CPSF7: variants seen among roughly 807,000 people sequenced by gnomAD.
The protein encoded by CPSF7 is cleavage and polyadenylation specific factor 7, also known as cleavage and polyadenylation specificity factor subunit 7.
In CPSF7, 1 loss-of-function variant was observed where a neutral mutation model predicts 44.3. The ratio of observed to expected loss-of-function variants is 0.02; its 90% CI spans 0.01 to 0.11. The LOEUF is 0.11. Among genes scored for constraint, CPSF7 ranks in the 10% least tolerant of loss-of-function variants. The pLI is 1.00. For missense variants in CPSF7, 443 were observed against 607.2 expected (o/e 0.73, Z 2.84); for synonymous variants, 202 against 222.0 (o/e 0.91, Z 0.80).
chr11:61,414,376 G>T (rs1860126482), intron 7 of CPSF7, among the ~76,000 whole-genome samples: 2 of 151,992 alleles, frequency 1.3e-5, no homozygotes, highest in South Asian at 4.2e-4. Flanking sequence ...TCAAACTCCT[G>T]ACCTCAAGTG....
chr11:61,420,089 G>C lies in CPSF7; in HGVS notation c.383C>G (p.Ala128Gly). Residue 128 changes from alanine (A) to glycine (G), a missense_variant, in exon 5 of 10, where the codon GCT (alanine) becomes GGT (glycine). Coordinates refer to ENST00000439958, the MANE Select transcript of CPSF7 (RefSeq NM_001142565.3). Reference sequence around the variant, plus strand: ...GTTTTCAGAGGCTACCACCACCTCAGCATACCTTAGGAAAGAAAAATTAAA... The same window carrying C: ...GTTTTCAGAGGCTACCACCACCTCACCATACCTTAGGAAAGAAAAATTAAA... ...NRANGQSKGY[A>G]EVVVASENSV... is the part of the protein sequence containing the mutation. The C allele has an allele frequency of 6.2e-7, 1 of 1,610,646 alleles. No homozygotes were observed. The highest frequency in any genetic ancestry group is 8.5e-7 in the Non-Finnish European group (1 of 1,177,974).
rs1205783670 is a variant in CPSF7 at position 61,429,763 on chromosome 11, C to A, written c.-56+151G>T. 3.9e-6 allele frequency: 6 copies of A among 1,546,814 alleles called. No individual in the cohort carries two copies. In the South Asian group the frequency reaches 4.8e-5, roughly 12 times the overall value. On this transcript the variant is annotated intron_variant, in intron 1 of 9. Transcript: ENST00000439958. ...CCGCTCCCTCCCGACAAACCCGGCC[C>A]GGCGCGCTCTGCCTCCTCCCTCAAA...
rs1229119155 is a variant in CPSF7 at position 61,419,990 on chromosome 11, G to C, written c.482C>G (p.Thr161Ser). 1.2e-6 allele frequency: 2 copies of C among 1,614,184 alleles called. No individual in the cohort carries two copies. The highest frequency in any genetic ancestry group is 2.2e-5 in the East Asian group (1 of 44,876). ...CTCAAACTGTGACAGGTTCTGCCGG[G>C]TGGCCGGCCTCACGTCCACTTTTTC... The part of the protein sequence containing the change: ...NGEKVDVRPA[T>S]RQNLSQFEAQ... The change falls in exon 5 of 10, where the codon ACC becomes AGC. Residue 161 changes from threonine to serine, a missense_variant. Transcript: ENST00000439958.
chr11:61,426,640 C>T (rs187339107), intron 2 of CPSF7: 3 of 152,324 alleles, frequency 2.0e-5, no homozygotes, highest in Admixed American at 1.3e-4. Flanking sequence ...GCAGTGACCA[C>T]TGGACAATGA....
At chr11:61,415,867 A>G (rs536309489) in intron 6 of CPSF7, 83 bp from the exon 7 acceptor site, 15 of 1,078,716 alleles carry the variant, frequency 1.4e-5, no homozygotes, top group African/African-American at 1.2e-4. Context: ...TAATTTTGGC[A>G]TAACACAGAA....
intron 5 of CPSF7, among the ~76,000 whole-genome samples, chr11:61,418,588 A>G (rs939703513): frequency 6.6e-6 from 1 of 152,222 alleles, no homozygotes; most frequent in African/African-American, 2.4e-5. Context: ...TTCTCTTCCT[A>G]GTAGGAGACC....
intron 7 of CPSF7, among the ~76,000 whole-genome samples, chr11:61,413,799 T>C (rs1299561216): frequency 6.6e-6 from 1 of 151,894 alleles, no homozygotes; most frequent in African/African-American, 2.4e-5. Flanking sequence ...ACAAAGAAAA[T>C]ATGAATTCAG....
At chr11:61,417,160 G>A (rs559445804) in intron 5 of CPSF7, among the ~76,000 whole-genome samples, 9 of 152,150 alleles carry the variant, frequency 5.9e-5, no homozygotes, top group African/African-American at 2.2e-4. Flanking sequence ...TAAAAGATCC[G>A]CCCACAGCAC....
chr11:61,426,157 A>G (rs1339084575), intron 2 of CPSF7, among the ~76,000 whole-genome samples: 1 of 152,244 alleles, frequency 6.6e-6, no homozygotes, highest in East Asian at 1.9e-4. Flanking sequence ...GGTTCCATCT[A>G]GGAAAAATAT....
At chr11:61,408,517 C>T (rs987256248) in intron 9 of CPSF7, among the ~76,000 whole-genome samples, 6 of 152,166 alleles carry the variant, frequency 3.9e-5, no homozygotes, top group Non-Finnish European at 5.9e-5. Flanking sequence ...ACCTGGGTCA[C>T]GCAGTAGCCT....
chr11:61,416,563 C>T (rs767921013), intron 5 of CPSF7, 44 bp from the exon 6 acceptor site: 3 of 1,591,242 alleles, frequency 1.9e-6, no homozygotes, highest in South Asian at 2.2e-5. Flanking sequence ...AGGCTTTACA[C>T]AAACCCACAG....
chr11:61,426,196 T>C (rs1409383101), intron 2 of CPSF7, among the ~76,000 whole-genome samples: 1 of 152,260 alleles, frequency 6.6e-6, no homozygotes, highest in Non-Finnish European at 1.5e-5. Flanking sequence ...AAAGTGCACA[T>C]GAAGGGCTTC....
chr11:61,421,129 T>C, intron 3 of CPSF7: 12 of 1,422,014 alleles, frequency 8.4e-6, no homozygotes, highest in Non-Finnish European at 9.3e-6. Context: ...CAGATGACCC[T>C]GCTAGACATA....
chr11:61,429,451 G>A (rs1188485832), intron 1 of CPSF7, 161 bp from the exon 2 acceptor site: 2 of 516,146 alleles, frequency 3.9e-6, no homozygotes, highest in East Asian at 7.1e-5. Context: ...GCCGCCCACC[G>A]CTCTCCCAGG....
chr11:61,413,721 G>A (rs1391788157), intron 7 of CPSF7, among the ~76,000 whole-genome samples: 4 of 152,082 alleles, frequency 2.6e-5, no homozygotes, highest in African/African-American at 9.7e-5. Flanking sequence ...AGGGATAGTG[G>A]TCATGGGGCG....
At chr11:61,419,045 T>C (rs1860608381) in intron 5 of CPSF7, among the ~76,000 whole-genome samples, 1 of 151,388 alleles carries the variant, frequency 6.6e-6, no homozygotes, top group Non-Finnish European at 1.5e-5. Context: ...CCCTCCAAGA[T>C]GGAGTCTTGC....
At chr11:61,412,887 T>C (rs542975783) in intron 7 of CPSF7, among the ~76,000 whole-genome samples, 302 of 152,384 alleles carry the variant, frequency 2.0e-3, no homozygotes, top group African/African-American at 6.9e-3. Flanking sequence ...AATTGTCATA[T>C]GCATAGAAAA....
Position 61,423,325 on chromosome 11 carries a change from A to C in CPSF7, c.55-1717T>G, listed in dbSNP as rs552871355. On this transcript the variant is annotated intron_variant, in intron 2 of 9. Transcript: ENST00000439958. ...GTAGCTGGGATTACAGGCACACACC[A>C]CCATGCCCAGCTAATTTTTGTATTT... Among the ~76,000 whole-genome samples, 4 of 151,822 alleles carry C rather than the reference A, an allele frequency of 2.6e-5. No individual in the cohort carries two copies. The South Asian group carries it at 8.3e-4, about 32-fold the overall frequency.
intron 4 of CPSF7, 140 bp from the exon 5 acceptor site, chr11:61,420,234 A>G (rs930613135): frequency 3.4e-5 from 25 of 732,764 alleles, no homozygotes; most frequent in Non-Finnish European, 4.9e-5. Flanking sequence ...CACTAACAAC[A>G]AAGAGACAGC....
Sources: gnomAD v4.1 joint callset for allele counts (sites outside exome capture counted in the v4.1 genomes callset) on GRCh38, gnomAD v4.1.1 for gene constraint, MANE v1.5 for transcripts, NCBI Gene and HGNC (gene_info 2026-07-23, HGNC 2026-07-21) for gene names.